Variants in CALCRL observed in about 807,000 individuals in gnomAD.
The protein encoded by CALCRL is calcitonin receptor like receptor.
Under a neutral mutation model 60.4 loss-of-function variants are expected in CALCRL, and 27 were observed. That is an observed-to-expected ratio of 0.45 (90% CI 0.33 to 0.62). The LOEUF is 0.62. Ranked by LOEUF, CALCRL falls within the 20% of genes least tolerant of loss-of-function variation. The pLI, the probability that CALCRL is intolerant of heterozygous loss-of-function variation, is 0.03. For synonymous variants in CALCRL, 190 were observed against 182.6 expected (o/e 1.04, Z -0.33); for missense variants, 424 against 540.7 (o/e 0.78, Z 2.14).
intron 1 of CALCRL, among the ~76,000 whole-genome samples, chr2:187,439,764 A>T (rs1690808964): frequency 6.6e-6 from 1 of 152,288 alleles, no homozygotes; most frequent in South Asian, 2.1e-4. Context: ...AAAGAAACCC[A>T]CAGGTAATTC....
At chr2:187,424,559 C>G (rs1253881061) in intron 1 of CALCRL, among the ~76,000 whole-genome samples, 2 of 151,934 alleles carry the variant, frequency 1.3e-5, no homozygotes, top group Non-Finnish European at 2.9e-5. Context: ...TAGCAGGACC[C>G]TATAGCTTAA....
At chr2:187,366,008 C>T (rs1216329833) in intron 8 of CALCRL, among the ~76,000 whole-genome samples, 4 of 151,820 alleles carry the variant, frequency 2.6e-5, no homozygotes, top group Non-Finnish European at 5.9e-5. Flanking sequence ...CTTTGGGAGG[C>T]CGAGGCGGGT....
At chr2:187,373,672 G>A (rs549874766) in intron 8 of CALCRL, among the ~76,000 whole-genome samples, 3 of 152,198 alleles carry the variant, frequency 2.0e-5, no homozygotes, top group Admixed American at 2.0e-4. Flanking sequence ...TGAATCAGAC[G>A]CTCTGCTTAA....
chr2:187,399,499 G>GATGACAT (rs1388945642), intron 1 of CALCRL, among the ~76,000 whole-genome samples: 2 of 151,446 alleles, frequency 1.3e-5, no homozygotes, highest in African/African-American at 4.8e-5. Flanking sequence ...AAGTAAATTA[G>GATGACAT]ATGACATATA....
At position 187,346,746 on chromosome 2, in the gene CALCRL, A is replaced by T. The variant is rs925106333; in HGVS notation, c.1171-347T>A. On this transcript the variant is annotated intron_variant, in intron 14 of 14. Coordinates refer to ENST00000392370, the MANE Select transcript of CALCRL (RefSeq NM_005795.6). ...TTTCATGTGCAACATTGAGTTTTAT[A>T]TTAATGTCTTTATTAATAGAATGAG... is the stretch of plus-strand genomic sequence containing the variant. 4.6e-5 allele frequency among the ~76,000 whole-genome samples: 7 copies of T among 151,866 alleles called. No homozygotes were observed. The East Asian group carries it at 1.4e-3, about 29-fold the overall frequency.
intron 1 of CALCRL, among the ~76,000 whole-genome samples, chr2:187,406,068 G>T (rs1689112575): frequency 6.6e-6 from 1 of 151,416 alleles, no homozygotes; most frequent in South Asian, 2.1e-4. Context: ...TAGTACCAGT[G>T]TGGGGCTCTG....
At chr2:187,432,751 C>T (rs897100175) in intron 1 of CALCRL, among the ~76,000 whole-genome samples, 4 of 152,086 alleles carry the variant, frequency 2.6e-5, no homozygotes, top group Non-Finnish European at 4.4e-5. Flanking sequence ...ATACAGTCAA[C>T]ACACTGCATT....
chr2:187,412,071 G>A (rs1481611268), intron 1 of CALCRL, among the ~76,000 whole-genome samples: 1 of 151,712 alleles, frequency 6.6e-6, no homozygotes, highest in Non-Finnish European at 1.5e-5. Flanking sequence ...CAGAGATGCA[G>A]AGGAGGAACA....
chr2:187,430,727 T>C (rs1690364882), intron 1 of CALCRL, among the ~76,000 whole-genome samples: 1 of 152,098 alleles, frequency 6.6e-6, no homozygotes, highest in Admixed American at 6.6e-5. Context: ...TAAATAAGGT[T>C]ATCATCTTAT....
At chr2:187,438,353 T>C (rs946457241) in intron 1 of CALCRL, among the ~76,000 whole-genome samples, 3 of 152,198 alleles carry the variant, frequency 2.0e-5, no homozygotes, top group Non-Finnish European at 4.4e-5. Flanking sequence ...TCATTGACAG[T>C]TGGCATTGTT....
At chr2:187,440,986 C>A (rs1419353851) in intron 1 of CALCRL, among the ~76,000 whole-genome samples, 1 of 151,956 alleles carries the variant, frequency 6.6e-6, no homozygotes, top group African/African-American at 2.4e-5. Flanking sequence ...CATTTGAAGG[C>A]CTTCCTATCC....
Position 187,352,284 on chromosome 2 carries a change from A to G in CALCRL, c.958T>C (p.Leu320=). 1 of 1,612,138 alleles carries G rather than the reference A, an allele frequency of 6.2e-7. No individual in the cohort carries two copies. The highest frequency in any genetic ancestry group is 2.2e-5 in the East Asian group (1 of 44,802). The change falls in exon 13 of 15, where the codon TTA becomes CTA. Residue 320 remains leucine (L), a synonymous_variant. Transcript: ENST00000392370. ...LNIVRVLITK[L]KVTHQAESNL... is the part of the protein sequence containing the mutation. ...GATTCCGCTTGGTGTGTAACTTTTAACTTGGTGATGAGAACGCGTACAATA... is the reference window on the plus strand; with the variant it reads ...GATTCCGCTTGGTGTGTAACTTTTAGCTTGGTGATGAGAACGCGTACAATA...
chr2:187,359,182 A>G (rs763636287), intron 11 of CALCRL, 30 bp downstream of exon 11: 2 of 1,590,002 alleles, frequency 1.3e-6, no homozygotes, highest in African/African-American at 1.3e-5. Flanking sequence ...ACATTATTCC[A>G]GTAGAAATAA....
At chr2:187,384,568 T>C (rs1347573783) in intron 4 of CALCRL, among the ~76,000 whole-genome samples, 2 of 152,206 alleles carry the variant, frequency 1.3e-5, no homozygotes, top group African/African-American at 4.8e-5. Context: ...AAAGATACCG[T>C]CTAAGAAGTG....
intron 8 of CALCRL, among the ~76,000 whole-genome samples, chr2:187,364,732 A>G (rs979006098): frequency 9.2e-5 from 14 of 152,188 alleles, no homozygotes; most frequent in African/African-American, 3.4e-4. Context: ...GATTCTATAT[A>G]TAGCTCTAGT....
intron 14 of CALCRL, among the ~76,000 whole-genome samples, chr2:187,350,744 T>C (rs971677557): frequency 6.6e-6 from 1 of 151,752 alleles, no homozygotes; most frequent in African/African-American, 2.4e-5. Flanking sequence ...CCAATGTTCA[T>C]TTGTTTTATA....
chr2:187,439,646 AATC>A (rs1690804743), intron 1 of CALCRL, among the ~76,000 whole-genome samples: 1 of 152,164 alleles, frequency 6.6e-6, no homozygotes, highest in East Asian at 1.9e-4. Context: ...GATTTTAAAT[AATC>A]ATCGATGTAA....
intron 1 of CALCRL, among the ~76,000 whole-genome samples, chr2:187,420,343 T>C (rs1689814578): frequency 6.6e-6 from 1 of 152,144 alleles, no homozygotes; most frequent in Admixed American, 6.6e-5. Context: ...AAATCTCTTA[T>C]TTACTGAACC....
At chr2:187,358,202 A>T (rs1020893340) in intron 12 of CALCRL, among the ~76,000 whole-genome samples, 11 of 151,980 alleles carry the variant, frequency 7.2e-5, no homozygotes, top group South Asian at 2.1e-4. Flanking sequence ...AAAAATTTTT[A>T]AAAATTATCC....
Sources: allele counts gnomAD v4.1 joint callset (sites outside exome capture counted in the v4.1 genomes callset), GRCh38; gene constraint gnomAD v4.1.1; transcripts MANE v1.5; gene names NCBI Gene and HGNC (gene_info 2026-07-23, HGNC 2026-07-21).